Variants in LRMDA observed in about 807,000 individuals in gnomAD.
LRMDA encodes leucine rich melanocyte differentiation associated, also known as leucine-rich melanocyte differentiation-associated protein.
A neutral mutation model predicts 29.8 loss-of-function variants in LRMDA; 18 were observed. That is an observed-to-expected ratio of 0.60 (90% confidence interval 0.42 to 0.90). LRMDA has a LOEUF of 0.90. Among genes scored for constraint, LRMDA ranks in the 40% least tolerant of loss-of-function variants. The pLI, the probability that LRMDA is intolerant of heterozygous loss-of-function variation, is 0.00. For missense variants in LRMDA, 273 were observed against 273.9 expected (o/e 1.00, Z 0.02); for synonymous variants, 125 against 109.4 (o/e 1.14, Z -0.89).
chr10:75,658,492 C>T (rs955981373), intron 2 of LRMDA, among the ~76,000 whole-genome samples: 2 of 151,968 alleles, frequency 1.3e-5, no homozygotes, highest in Non-Finnish European at 2.9e-5. Context: ...TCTCAAAGAA[C>T]GTTCTATGGA....
At chr10:75,435,946 A>G (rs1844259060) in intron 1 of LRMDA, among the ~76,000 whole-genome samples, 1 of 151,638 alleles carries the variant, frequency 6.6e-6, no homozygotes, top group East Asian at 2.0e-4. Flanking sequence ...TCTGCCTGGT[A>G]TGGTGGCTTG....
intron 5 of LRMDA, among the ~76,000 whole-genome samples, chr10:76,148,180 C>T (rs535020503): frequency 3.3e-5 from 5 of 152,284 alleles, no homozygotes; most frequent in South Asian, 2.1e-4. Flanking sequence ...TCTCAAGCTG[C>T]GTGCTGGGAG....
chr10:75,672,743 T>C (rs1011111358), intron 2 of LRMDA, among the ~76,000 whole-genome samples: 1 of 150,402 alleles, frequency 6.6e-6, no homozygotes, highest in African/African-American at 2.5e-5. Flanking sequence ...AGCTAATTTT[T>C]ACGTTTTCAG....
At chr10:75,577,144 A>G (rs1163281146) in intron 2 of LRMDA, among the ~76,000 whole-genome samples, 1 of 152,214 alleles carries the variant, frequency 6.6e-6, no homozygotes, top group Non-Finnish European at 1.5e-5. Context: ...CCCTTGAGAA[A>G]AAGGTTAGAC....
intron 2 of LRMDA, among the ~76,000 whole-genome samples, chr10:75,521,769 A>C (rs946076107): frequency 2.0e-5 from 3 of 152,242 alleles, no homozygotes; most frequent in Admixed American, 2.0e-4. Context: ...TTGGAAATGC[A>C]GAAATCACCT....
chr10:75,457,579 T>C (rs1042370731), intron 2 of LRMDA, among the ~76,000 whole-genome samples: 4 of 152,220 alleles, frequency 2.6e-5, no homozygotes, highest in African/African-American at 9.6e-5. Context: ...CAGGAGGAGA[T>C]AAAACTGTAG....
intron 5 of LRMDA, among the ~76,000 whole-genome samples, chr10:76,095,708 C>G (rs1849302189): frequency 6.6e-6 from 1 of 152,124 alleles, no homozygotes; most frequent in East Asian, 1.9e-4. Context: ...TTTTGCCTTT[C>G]CAATAGATGT....
At chr10:75,546,825 T>C (rs1840086712) in intron 2 of LRMDA, among the ~76,000 whole-genome samples, 1 of 152,246 alleles carries the variant, frequency 6.6e-6, no homozygotes, top group Admixed American at 6.5e-5. Context: ...AGTGAATCTC[T>C]ACATTTTTAA....
At chr10:75,787,690 TG>T (rs1239649906) in intron 2 of LRMDA, among the ~76,000 whole-genome samples, 2 of 152,248 alleles carry the variant, frequency 1.3e-5, no homozygotes, top group Non-Finnish European at 2.9e-5. Context: ...ATAGAGATGT[TG>T]TAGCAAAGTC....
chr10:76,555,785 AAAAT>A (rs1450718322), intron 6 of LRMDA, among the ~76,000 whole-genome samples: 15 of 147,914 alleles, frequency 1.0e-4, no homozygotes, highest in Admixed American at 4.7e-4. Context: ...AAAAAAAAAA[AAAAT>A]GGGCTTGTTG....
chr10:76,157,091 A>AGATTTAACAGACTAGGT (rs1850551314), intron 5 of LRMDA, among the ~76,000 whole-genome samples: 1 of 152,184 alleles, frequency 6.6e-6, no homozygotes, highest in Non-Finnish European at 1.5e-5. Flanking sequence ...TAAATCCTAC[A>AGATTTAACAGACTAGGT]TGGGGAAGAC....
intron 5 of LRMDA, among the ~76,000 whole-genome samples, chr10:76,065,383 T>G (rs1465781150): frequency 6.6e-6 from 1 of 152,184 alleles, no homozygotes; most frequent in African/African-American, 2.4e-5. Context: ...AGCAGCCTCT[T>G]AGGGGCATTC....
At chr10:75,555,316 A>G (rs1431530050) in intron 2 of LRMDA, among the ~76,000 whole-genome samples, 1 of 152,172 alleles carries the variant, frequency 6.6e-6, no homozygotes, top group Non-Finnish European at 1.5e-5. Context: ...AGTCTGTGCC[A>G]TGTGGGAAGA....
chr10:76,518,381 A>G (rs1294294877), intron 6 of LRMDA, among the ~76,000 whole-genome samples: 2 of 152,082 alleles, frequency 1.3e-5, no homozygotes, highest in Non-Finnish European at 1.5e-5. Context: ...ATAGAATTCA[A>G]GACAAAAAGT....
chr10:76,133,781 T>C (rs929003940), intron 5 of LRMDA, among the ~76,000 whole-genome samples: 5 of 152,148 alleles, frequency 3.3e-5, no homozygotes, highest in African/African-American at 1.2e-4. Context: ...CCGCTCATCA[T>C]TTATACATCT....
chr10:75,942,951 G>A (rs897276546), intron 2 of LRMDA, among the ~76,000 whole-genome samples: 1 of 152,124 alleles, frequency 6.6e-6, no homozygotes, highest in Non-Finnish European at 1.5e-5. Flanking sequence ...TACAAGTCAT[G>A]TACTTAGATT....
chr10:76,510,503 T>C (rs1203960185), intron 6 of LRMDA, among the ~76,000 whole-genome samples: 1 of 152,128 alleles, frequency 6.6e-6, no homozygotes, highest in Non-Finnish European at 1.5e-5. Flanking sequence ...CCTGATCTTA[T>C]AGGTAGACTG....
intron 6 of LRMDA, among the ~76,000 whole-genome samples, chr10:76,401,312 ATTTAC>A (rs961715634): frequency 2.6e-5 from 4 of 152,100 alleles, no homozygotes; most frequent in African/African-American, 9.7e-5. Flanking sequence ...CTATTCGTTT[ATTTAC>A]TTGCTTATTC....
At chr10:75,459,966 T>G (rs1458537699) in intron 2 of LRMDA, among the ~76,000 whole-genome samples, 3 of 152,208 alleles carry the variant, frequency 2.0e-5, no homozygotes, top group Non-Finnish European at 4.4e-5. Flanking sequence ...CATTGGGGAT[T>G]AAGTTTCCAA....
Sources: gnomAD v4.1 joint callset for allele counts (sites outside exome capture counted in the v4.1 genomes callset) on GRCh38, gnomAD v4.1.1 for gene constraint, MANE v1.5 for transcripts, NCBI Gene and HGNC (gene_info 2026-07-23, HGNC 2026-07-21) for gene names.